TPRG1: variants seen among roughly 807,000 people sequenced by gnomAD.
The protein encoded by TPRG1 is tumor protein p63 regulated 1, also known as tumor protein p63-regulated gene 1 protein.
TPRG1 carries 29 observed loss-of-function variants against 29.3 expected under a neutral mutation model. The ratio of observed to expected loss-of-function variants is 0.99; its 90% CI spans 0.74 to 1.35. TPRG1 has a LOEUF of 1.35. Ranked by LOEUF, TPRG1 falls within the 40% of genes most tolerant of loss-of-function variation. TPRG1 has a pLI of 0.00. For missense variants in TPRG1, 327 were observed against 335.0 expected (o/e 0.98, Z 0.19); for synonymous variants, 130 against 116.8 (o/e 1.11, Z -0.73).
intron 4 of TPRG1, 124 bp downstream of exon 4, chr3:189,239,033 A>C: frequency 2.6e-6 from 2 of 771,890 alleles, no homozygotes; most frequent in Non-Finnish European, 3.9e-6. Context: ...TGAAATCATG[A>C]AAGTTGAAAT....
At chr3:189,070,948 A>G (rs1194532652) in intron 4 of TPRG1, among the ~76,000 whole-genome samples, 1 of 152,078 alleles carries the variant, frequency 6.6e-6, no homozygotes, top group African/African-American at 2.4e-5. Context: ...CTGTTGATTG[A>G]AAATAGAAAT....
chr3:189,144,792 C>G (rs991847204), intron 3 of TPRG1, among the ~76,000 whole-genome samples: 5 of 152,186 alleles, frequency 3.3e-5, no homozygotes, highest in African/African-American at 1.2e-4. Flanking sequence ...TCTTATTACG[C>G]CACACAACTG....
At chr3:189,158,064 A>G (rs779510890) in intron 5 of TPRG1, among the ~76,000 whole-genome samples, 12 of 152,246 alleles carry the variant, frequency 7.9e-5, no homozygotes, top group Non-Finnish European at 1.6e-4. Flanking sequence ...TTTATCAAAC[A>G]AAGATTCTGG....
At chr3:189,022,052 G>A (rs994725090) in intron 3 of TPRG1, among the ~76,000 whole-genome samples, 40 of 151,606 alleles carry the variant, frequency 2.6e-4, no homozygotes, top group Non-Finnish European at 1.2e-4. Flanking sequence ...CATTCTTCAC[G>A]TAGTTCTCGA....
At position 189,056,027 on chromosome 3, in the gene TPRG1, CCCTCCCTTCCTTCCTTCCTTCCTTCCTT is replaced by C. The variant is rs1403662730; in HGVS notation, c.-463+32085_-463+32112del. On this transcript the variant is annotated intron_variant, in intron 4 of 10. Coordinates refer to the TPRG1 transcript ENST00000433971. Reference sequence around the variant, plus strand: ...CTCTCTCTCCCTCCCTCCCTTCCCTCCCTCCCTTCCTTCCTTCCTTCCTTCCTTCCTTCCTTCCTTCCTTCCTTCCTTC... The same window carrying C: ...CTCTCTCTCCCTCCCTCCCTTCCCTCCCTTCCTTCCTTCCTTCCTTCCTTC... 6.9e-4 allele frequency among the ~76,000 whole-genome samples: 73 copies of C among 106,178 alleles called. 1 individual carries two copies. Among genetic ancestry groups the C allele is most frequent in the South Asian group, 2.9e-3 (6 of 2,102 alleles). 69.7% of individuals were successfully genotyped at this position (106,178 alleles called of 152,430 possible). A position where few individuals can be genotyped will look rare whatever the true frequency, so the allele number is the denominator to read the frequency against.
intron 4 of TPRG1, among the ~76,000 whole-genome samples, chr3:189,039,823 T>A (rs1045043138): frequency 2.1e-5 from 3 of 140,940 alleles, no homozygotes; most frequent in Non-Finnish European, 4.6e-5. Flanking sequence ...ATCATTCTGA[T>A]ATCTTCTTCT....
At chr3:189,159,013 T>TA (rs1422745191) in intron 5 of TPRG1, among the ~76,000 whole-genome samples, 3 of 151,904 alleles carry the variant, frequency 2.0e-5, no homozygotes, top group Non-Finnish European at 4.4e-5. Context: ...TGAAAGCTGT[T>TA]AAAAAAGTGA....
chr3:189,129,698 C>T (rs756329467), intron 2 of TPRG1, among the ~76,000 whole-genome samples: 24 of 152,222 alleles, frequency 1.6e-4, no homozygotes, highest in Admixed American at 2.6e-4. Flanking sequence ...AAAGAGTTGT[C>T]GCTTCACTCC....
rs61327652 is a variant in TPRG1, at chr3:189,101,405, T to TA, written c.-744+1212dup. Among the ~76,000 whole-genome samples the TA allele has an allele frequency of 7.4e-4, 110 of 148,736 alleles. 1 individual carries two copies. Among genetic ancestry groups the TA allele is most frequent in the African/African-American group, 1.1e-3 (43 of 40,862 alleles). ...TCTTCCTGCAATTCAACATTTATCT[T>TA]AAAAAAAAAAATTAGGTATTTGGCG... On this transcript the variant is annotated intron_variant, in intron 1 of 6. Coordinates refer to the TPRG1 transcript ENST00000412373.
chr3:189,285,452 A>G (rs1408059657), intron 4 of TPRG1, among the ~76,000 whole-genome samples: 1 of 152,184 alleles, frequency 6.6e-6, no homozygotes, highest in Non-Finnish European at 1.5e-5. Context: ...ATAGAATCAC[A>G]CACATAAAAC....
chr3:189,188,070 A>G (rs1731190442), intron 1 of TPRG1, among the ~76,000 whole-genome samples: 1 of 152,234 alleles, frequency 6.6e-6, no homozygotes, highest in Non-Finnish European at 1.5e-5. Context: ...GAAAACAAGC[A>G]AGAATTGAAC....
rs543270711 is a variant in TPRG1 at position 189,253,885 on chromosome 3, C to T, written c.479+14976C>T. Among the ~76,000 whole-genome samples, 8 of 152,176 alleles carry T rather than the reference C, an allele frequency of 5.3e-5. No homozygotes were observed. The East Asian group carries it at 9.7e-4, about 18-fold the overall frequency. Reference sequence around the variant, plus strand: ...AGCTTTTTTTCATATGTTTGTTGGCCGCATAAATGTCTTCTTTTGAAAAGT... The same window carrying T: ...AGCTTTTTTTCATATGTTTGTTGGCTGCATAAATGTCTTCTTTTGAAAAGT... On this transcript the variant is annotated intron_variant, in intron 4 of 5. Transcript: ENST00000345063.
rs564314819 is a variant in TPRG1 at position 189,300,052 on chromosome 3, A to C, written c.480-10334A>C. Among the ~76,000 whole-genome samples, 3 of 152,356 alleles carry C rather than the reference A, an allele frequency of 2.0e-5. No homozygotes were observed. In the East Asian group the frequency reaches 5.8e-4, roughly 29 times the overall value. On this transcript the variant is annotated intron_variant, in intron 4 of 5. Coordinates refer to ENST00000345063, the MANE Select transcript of TPRG1 (RefSeq NM_198485.4). ...AGATTAATTTAGGTGAAGAGAGACCACACATAAAAAAGTGAACTCTATAAT... is the reference window on the plus strand; with the variant it reads ...AGATTAATTTAGGTGAAGAGAGACCCCACATAAAAAAGTGAACTCTATAAT...
chr3:189,285,093 GA>G (rs1461602686), intron 4 of TPRG1, among the ~76,000 whole-genome samples: 1 of 151,968 alleles, frequency 6.6e-6, no homozygotes, highest in African/African-American at 2.4e-5. Flanking sequence ...AAATTTACAA[GA>G]AAAAAATCAA....
At chr3:189,086,786 C>A (rs1717973888) in intron 4 of TPRG1, among the ~76,000 whole-genome samples, 1 of 152,120 alleles carries the variant, frequency 6.6e-6, no homozygotes. Context: ...CAATAGTTTG[C>A]TGAGAATGAT....
chr3:189,006,047 T>C (rs982735431), intron 3 of TPRG1, among the ~76,000 whole-genome samples: 1 of 152,044 alleles, frequency 6.6e-6, no homozygotes, highest in East Asian at 1.9e-4. Context: ...AATTCCTAAC[T>C]CTCAAAATAA....
chr3:189,248,732 T>C (rs1741722557), intron 4 of TPRG1, among the ~76,000 whole-genome samples: 1 of 151,282 alleles, frequency 6.6e-6, no homozygotes, highest in Admixed American at 6.6e-5. Context: ...TGAATTTTTA[T>C]GCTTTTAAAT....
At chr3:189,298,577 T>A (rs1720325308) in intron 4 of TPRG1, among the ~76,000 whole-genome samples, 1 of 152,156 alleles carries the variant, frequency 6.6e-6, no homozygotes, top group Non-Finnish European at 1.5e-5. Flanking sequence ...TGGCATGGGA[T>A]TTTTGTTGTC....
At chr3:189,018,836 C>T (rs1482968683) in intron 3 of TPRG1, among the ~76,000 whole-genome samples, 1 of 148,358 alleles carries the variant, frequency 6.7e-6, no homozygotes, top group Admixed American at 6.7e-5. Flanking sequence ...TGGCCATTTT[C>T]ATGATATTGA....
Sources: gnomAD v4.1 joint callset for allele counts (sites outside exome capture counted in the v4.1 genomes callset) on GRCh38, gnomAD v4.1.1 for gene constraint, MANE v1.5 for transcripts, NCBI Gene and HGNC (gene_info 2026-07-23, HGNC 2026-07-21) for gene names.